LRRC28: variants seen among roughly 807,000 people sequenced by gnomAD.
LRRC28 encodes the protein leucine rich repeat containing 28, also known as leucine-rich repeat-containing protein 28.
Under a neutral mutation model 45.7 loss-of-function variants are expected in LRRC28, and 39 were observed. The observed-to-expected ratio is 0.85, with a 90% confidence interval of 0.66 to 1.12. The LOEUF (loss-of-function observed/expected upper bound fraction) is 1.12, where lower values mean the gene tolerates loss of function less well. Ranked by LOEUF, LRRC28 falls within the 50% of genes most tolerant of loss-of-function variation. The probability of loss-of-function intolerance (pLI) is 0.00; values close to 1 mark genes in which losing one functional copy is unlikely to be tolerated. For synonymous variants in LRRC28, 206 were observed against 178.8 expected, an observed-to-expected ratio of 1.15 and a Z score of -1.22; for missense variants, 435 against 438.5, an observed-to-expected ratio of 0.99 and a Z score of 0.07.
At position 99,386,001 on chromosome 15, in the gene LRRC28, C is replaced by T. The variant is rs377741228; in HGVS notation, c.1032-29C>T. The T allele has an allele frequency of 7.1e-4, 1,126 of 1,596,544 alleles. 3 individuals are homozygous for T. The highest frequency in any genetic ancestry group is 7.7e-4 in the Non-Finnish European group (895 of 1,163,916). The stretch of plus-strand genomic sequence containing the variant: ...AGAGACTTTAATCTTGAACTCACAG[C>T]GTTCTTCTCTCCCTTTTTCCCCTTC... On this transcript the variant is annotated intron_variant, in intron 9 of 9. Transcript: ENST00000301981.
At chr15:99,291,841 T>G (rs1034036742) in intron 5 of LRRC28, among the ~76,000 whole-genome samples, 1 of 152,260 alleles carries the variant, frequency 6.6e-6, no homozygotes, top group South Asian at 2.1e-4. Context: ...ACATTTGGTG[T>G]TGTCTGTTTG....
chr15:99,372,885 G>T (rs1433160287), intron 9 of LRRC28, among the ~76,000 whole-genome samples: 1 of 152,112 alleles, frequency 6.6e-6, no homozygotes, highest in African/African-American at 2.4e-5. Flanking sequence ...ATCATGGCTC[G>T]AGGGGAAGCA....
At chr15:99,316,032 A>G (rs538695708) in intron 5 of LRRC28, among the ~76,000 whole-genome samples, 1 of 152,352 alleles carries the variant, frequency 6.6e-6, no homozygotes, top group East Asian at 1.9e-4. Flanking sequence ...CATCAAATTA[A>G]CAACTTTTGT....
intron 5 of LRRC28, among the ~76,000 whole-genome samples, chr15:99,313,578 T>C (rs1396419628): frequency 6.6e-6 from 1 of 152,182 alleles, no homozygotes; most frequent in Non-Finnish European, 1.5e-5. Context: ...GATTCCTTCC[T>C]GTTATTTTGA....
chr15:99,276,132 G>C (rs1222135125), intron 2 of LRRC28, among the ~76,000 whole-genome samples: 1 of 151,952 alleles, frequency 6.6e-6, no homozygotes, highest in Non-Finnish European at 1.5e-5. Flanking sequence ...GTCACCCCCA[G>C]ATGGGACCAT....
intron 9 of LRRC28, among the ~76,000 whole-genome samples, chr15:99,380,406 C>T (rs1462414717): frequency 5.9e-5 from 9 of 152,202 alleles, no homozygotes; most frequent in Non-Finnish European, 1.2e-4. Flanking sequence ...CTTCCTCCAT[C>T]CCTTTATTTT....
chr15:99,367,217 T>C (rs2152330566), intron 9 of LRRC28, among the ~76,000 whole-genome samples: 1 of 152,328 alleles, frequency 6.6e-6, no homozygotes, highest in East Asian at 1.9e-4. Context: ...TCATGTTCAG[T>C]TAATTTGTTA....
chr15:99,298,947 A>G (rs1029001410), intron 5 of LRRC28, among the ~76,000 whole-genome samples: 1 of 152,130 alleles, frequency 6.6e-6, no homozygotes. Context: ...GACCTCAGGC[A>G]ATCTGCCTGC....
intron 9 of LRRC28, among the ~76,000 whole-genome samples, chr15:99,369,792 C>T (rs1957432759): frequency 1.3e-5 from 2 of 152,120 alleles, no homozygotes; most frequent in Non-Finnish European, 2.9e-5. Context: ...CTTTAATCAC[C>T]AGGGTATTTT....
At chr15:99,297,592 T>G (rs2082299071) in intron 5 of LRRC28, among the ~76,000 whole-genome samples, 1 of 151,778 alleles carries the variant, frequency 6.6e-6, no homozygotes, top group Non-Finnish European at 1.5e-5. Context: ...CTAAAGTTAC[T>G]TTATTATTAA....
intron 9 of LRRC28, among the ~76,000 whole-genome samples, chr15:99,376,453 T>G (rs1480613117): frequency 6.6e-6 from 1 of 152,208 alleles, no homozygotes; most frequent in Admixed American, 6.5e-5. Context: ...TATGTGTGTT[T>G]AGTACTGTAA....
chr15:99,307,811 T>C (rs2048305), intron 5 of LRRC28, among the ~76,000 whole-genome samples: 77,407 of 152,128 alleles, frequency 0.51, 20,761 homozygotes, highest in African/African-American at 0.7. Flanking sequence ...GTGCAATATG[T>C]TATACTTGTT....
At chr15:99,276,104 G>T (rs890778160) in intron 2 of LRRC28, among the ~76,000 whole-genome samples, 4 of 151,760 alleles carry the variant, frequency 2.6e-5, no homozygotes, top group African/African-American at 9.7e-5. Context: ...AGTGCCTGAC[G>T]ATCTGTCACA....
At chr15:99,293,326 G>C (rs1222852883) in intron 5 of LRRC28, among the ~76,000 whole-genome samples, 3 of 151,922 alleles carry the variant, frequency 2.0e-5, no homozygotes, top group African/African-American at 4.8e-5. Flanking sequence ...GGGTGCGGTG[G>C]CTCATGCCTG....
chr15:99,266,749 T>G, intron 2 of LRRC28, among the ~76,000 whole-genome samples: 1 of 152,246 alleles, frequency 6.6e-6, no homozygotes, highest in Non-Finnish European at 1.5e-5. Flanking sequence ...AATGGATTTG[T>G]TAAAATATGA....
chr15:99,332,213 G>A (rs1312844222), intron 5 of LRRC28, among the ~76,000 whole-genome samples: 2 of 152,128 alleles, frequency 1.3e-5, no homozygotes, highest in Non-Finnish European at 2.9e-5. Context: ...GACAGGCTTA[G>A]CAAGGTGGAG....
Position 99,387,542 on chromosome 15 carries a change from C to T in LRRC28, c.*1440C>T, listed in dbSNP as rs1958062134. On this transcript the variant is annotated 3_prime_UTR_variant, in exon 10 of 10. Coordinates refer to ENST00000301981, the MANE Select transcript of LRRC28 (RefSeq NM_144598.5). ...TTCAGCCTTCGACTTCTGCAAAAGT[C>T]CATAAACAGAAAGTCTGTGAGCCTC... 1.3e-5 allele frequency: 2 copies of T among 152,198 alleles called. No individual in the cohort carries two copies. The highest frequency in any genetic ancestry group is 1.3e-4 in the Admixed American group (2 of 15,278). The allele number at this position is 152,198 out of a possible 1,614,324, so 9.4% of individuals were successfully genotyped here. A position where few individuals can be genotyped will look rare whatever the true frequency, so the allele number is the denominator to read the frequency against.
At chr15:99,356,306 T>TGTTA (rs758792005) in intron 7 of LRRC28, among the ~76,000 whole-genome samples, 36 of 152,236 alleles carry the variant, frequency 2.4e-4, no homozygotes, top group Non-Finnish European at 4.6e-4. Flanking sequence ...TCAAAGCAAC[T>TGTTA]GTTACAATTA....
Position 99,290,834 on chromosome 15 carries a change from G to GAC in LRRC28, c.385+2890_385+2891dup, listed in dbSNP as rs145162129. 2.1e-3 allele frequency among the ~76,000 whole-genome samples: 320 copies of GAC among 152,106 alleles called. 3 individuals are homozygous for GAC. The highest frequency in any genetic ancestry group is 7.4e-3 in the African/African-American group (308 of 41,498). On this transcript the variant is annotated intron_variant, in intron 5 of 9. Coordinates refer to ENST00000301981, the MANE Select transcript of LRRC28 (RefSeq NM_144598.5). ...AAAAAAAAAATTAGCCGTGCATGGT[G>GAC]ACACACACCTTAGTCCTAGCTGCTT...
Sources: allele counts gnomAD v4.1 joint callset (sites outside exome capture counted in the v4.1 genomes callset), GRCh38; gene constraint gnomAD v4.1.1; transcripts MANE v1.5; gene names NCBI Gene and HGNC (gene_info 2026-07-23, HGNC 2026-07-21).